BMP2K: variants seen among roughly 807,000 people sequenced by gnomAD.
The protein encoded by BMP2K is BMP-2-inducible protein kinase.
BMP2K carries 74 observed loss-of-function variants against 116.0 expected under a neutral mutation model. The observed-to-expected ratio is 0.64, with a 90% CI of 0.53 to 0.77. The LOEUF is 0.77. Ranked by LOEUF, BMP2K falls within the 30% of genes least tolerant of loss-of-function variation. BMP2K has a pLI of 0.00. For synonymous variants in BMP2K, 486 were observed against 502.5 expected (o/e 0.97, Z 0.44); for missense variants, 1,365 against 1,403.6 (o/e 0.97, Z 0.44).
At chr4:78,848,577 T>G (rs550024955) in intron 6 of BMP2K, among the ~76,000 whole-genome samples, 1 of 151,602 alleles carries the variant, frequency 6.6e-6, no homozygotes, top group South Asian at 2.1e-4. Context: ...CCATTGAAGG[T>G]TTACTGCAGA....
At chr4:78,844,272 C>T (rs1730896070) in intron 4 of BMP2K, among the ~76,000 whole-genome samples, 1 of 151,706 alleles carries the variant, frequency 6.6e-6, no homozygotes, top group Non-Finnish European at 1.5e-5. Context: ...AGCAGATTGT[C>T]CAAGGGTCCA....
At chr4:78,803,164 T>C (rs1728654517) in intron 1 of BMP2K, among the ~76,000 whole-genome samples, 1 of 152,082 alleles carries the variant, frequency 6.6e-6, no homozygotes, top group Non-Finnish European at 1.5e-5. Context: ...TTTATAATCT[T>C]GATAATTGTT....
At chr4:78,878,614 T>C (rs1341707744) in intron 13 of BMP2K, 120 bp from the exon 14 acceptor site, 1 of 834,828 alleles carries the variant, frequency 1.2e-6, no homozygotes, top group Non-Finnish European at 1.8e-6. Context: ...GTCATCTCTG[T>C]CATAAGGAAA....
chr4:78,891,553 C>T (rs1399699577), intron 15 of BMP2K, among the ~76,000 whole-genome samples: 4 of 152,074 alleles, frequency 2.6e-5, no homozygotes, highest in Admixed American at 2.0e-4. Context: ...ATTTTGTTCT[C>T]CTCTGTTTTC....
At chr4:78,817,973 A>AAT (rs1342164206) in intron 1 of BMP2K, among the ~76,000 whole-genome samples, 1 of 152,192 alleles carries the variant, frequency 6.6e-6, no homozygotes, top group Non-Finnish European at 1.5e-5. Context: ...AGTGATGCTT[A>AAT]ATAAACATAA....
chr4:78,826,192 A>AAGTTTTT (rs1270242785), intron 2 of BMP2K, 37 bp downstream of exon 2: 1 of 1,532,462 alleles, frequency 6.5e-7, no homozygotes, highest in Non-Finnish European at 9.0e-7. Flanking sequence ...GAAATTTTGC[A>AAGTTTTT]AGTTTTTATT....
intron 1 of BMP2K, among the ~76,000 whole-genome samples, chr4:78,815,679 T>C (rs1005211506): frequency 6.6e-6 from 1 of 152,162 alleles, no homozygotes; most frequent in Non-Finnish European, 1.5e-5. Context: ...ATTCAATTAC[T>C]AATAACATTT....
rs754078974 is a variant in BMP2K at position 78,911,070 on chromosome 4, A to G, written c.2523A>G (p.Gln841=). Residue 841 remains glutamine (Q), a synonymous_variant, in exon 16 of 16, where the codon CAA becomes CAG. Coordinates refer to ENST00000502613, the MANE Select transcript of BMP2K (RefSeq NM_198892.2). The stretch of plus-strand genomic sequence containing the variant: ...ATACAATACTCCTCACCTCAGCCCA[A>G]TTATCCTCTGATGTTGCAGTGGAGA... ...DLNTILLTSA[Q]LSSDVAVETP... 31 of 1,613,814 alleles carry G rather than the reference A, an allele frequency of 1.9e-5. No individual in the cohort carries two copies. The highest frequency in any genetic ancestry group is 5.0e-5 in the Admixed American group (3 of 59,992).
intron 15 of BMP2K, among the ~76,000 whole-genome samples, chr4:78,901,567 G>A (rs1734008156): frequency 6.6e-6 from 1 of 152,146 alleles, no homozygotes; most frequent in African/African-American, 2.4e-5. Flanking sequence ...AACTACCAGT[G>A]TTGACTACAG....
intron 13 of BMP2K, among the ~76,000 whole-genome samples, chr4:78,874,163 C>T (rs750935374): frequency 6.1e-5 from 9 of 148,628 alleles, no homozygotes; most frequent in Middle Eastern, 3.2e-3. Context: ...GGCAACAGAG[C>T]GAGACTCCAT....
intron 15 of BMP2K, among the ~76,000 whole-genome samples, chr4:78,896,411 A>G (rs527397412): frequency 1.3e-5 from 2 of 152,338 alleles, no homozygotes; most frequent in African/African-American, 2.4e-5. Context: ...TTTAAAGTCT[A>G]TTGATAGCAT....
chr4:78,876,000 C>G (rs1389931988), intron 13 of BMP2K, among the ~76,000 whole-genome samples: 3 of 152,110 alleles, frequency 2.0e-5, no homozygotes, highest in African/African-American at 7.2e-5. Context: ...AGCTCATGTT[C>G]AAGGGCAGTG....
chr4:78,840,909 A>G (rs1370578227), intron 3 of BMP2K, among the ~76,000 whole-genome samples: 3 of 152,314 alleles, frequency 2.0e-5, no homozygotes, highest in East Asian at 1.9e-4. Context: ...TGATATTTCA[A>G]GGATGTGAAT....
At chr4:78,906,607 T>C (rs894471359) in intron 15 of BMP2K, among the ~76,000 whole-genome samples, 1 of 152,146 alleles carries the variant, frequency 6.6e-6, no homozygotes, top group African/African-American at 2.4e-5. Context: ...CATTTGTTGG[T>C]CTACTTACTT....
chr4:78,839,091 ACT>A, intron 3 of BMP2K, among the ~76,000 whole-genome samples: 2 of 152,260 alleles, frequency 1.3e-5, no homozygotes, highest in Middle Eastern at 6.8e-3. Context: ...AAATTCCAAA[ACT>A]CAATAGCATA....
intron 10 of BMP2K, 50 bp downstream of exon 10, chr4:78,865,770 C>T (rs780522158): frequency 9.6e-6 from 15 of 1,563,304 alleles, no homozygotes; most frequent in Admixed American, 1.8e-5. Flanking sequence ...TGTTAATAAA[C>T]CTTTCATGAT....
chr4:78,879,775 A>T (rs1288551320), intron 14 of BMP2K: 1 of 152,178 alleles, frequency 6.6e-6, no homozygotes, highest in Non-Finnish European at 1.5e-5. Flanking sequence ...AATTGGCCTT[A>T]TGAGAATGTT....
chr4:78,890,930 C>T (rs773941485), intron 15 of BMP2K, among the ~76,000 whole-genome samples: 1 of 152,152 alleles, frequency 6.6e-6, no homozygotes, highest in Non-Finnish European at 1.5e-5. Flanking sequence ...TGGGGTGGCT[C>T]ATGCCTGTAA....
intron 14 of BMP2K, among the ~76,000 whole-genome samples, chr4:78,883,651 C>A (rs1450236737): frequency 6.6e-6 from 1 of 152,134 alleles, no homozygotes; most frequent in Non-Finnish European, 1.5e-5. Flanking sequence ...TATATACTTA[C>A]CATAAATTTA....
Sources: allele counts gnomAD v4.1 joint callset (sites outside exome capture counted in the v4.1 genomes callset), GRCh38; gene constraint gnomAD v4.1.1; transcripts MANE v1.5; gene names NCBI Gene and HGNC (gene_info 2026-07-23, HGNC 2026-07-21).